Variants in WDR75 observed in about 807,000 individuals in gnomAD.
WDR75 encodes the protein WD repeat-containing protein 75.
Under a neutral mutation model 106.1 loss-of-function variants are expected in WDR75, and 52 were observed. The observed-to-expected ratio is 0.49, with a 90% CI of 0.39 to 0.62. The LOEUF is 0.62. Ranked by LOEUF, WDR75 falls within the 20% of genes least tolerant of loss-of-function variation. The pLI, the probability that WDR75 is intolerant of heterozygous loss-of-function variation, is 0.00. For synonymous variants in WDR75, 333 were observed against 335.5 expected (o/e 0.99, Z 0.08); for missense variants, 905 against 970.3 (o/e 0.93, Z 0.89).
At chr2:189,448,535 T>C (rs778271768) in intron 2 of WDR75, 27 bp downstream of exon 2, 6 of 1,603,536 alleles carry the variant, frequency 3.7e-6, no homozygotes, top group Non-Finnish European at 5.1e-6. Flanking sequence ...AGCTGAATAC[T>C]TTAAGACTGG....
intron 15 of WDR75, among the ~76,000 whole-genome samples, chr2:189,468,781 A>G (rs1687056780): frequency 6.6e-6 from 1 of 152,156 alleles, no homozygotes; most frequent in South Asian, 2.1e-4. Context: ...GTCAGCTTCC[A>G]TTATCCTTAC....
intron 12 of WDR75, among the ~76,000 whole-genome samples, chr2:189,466,178 A>G (rs558213813): frequency 6.6e-6 from 1 of 152,244 alleles, no homozygotes; most frequent in South Asian, 2.1e-4. Flanking sequence ...ATTTTGTACC[A>G]ATGTACTAGT....
chr2:189,443,411 A>G (rs1686428500), intron 1 of WDR75, among the ~76,000 whole-genome samples: 1 of 152,200 alleles, frequency 6.6e-6, no homozygotes, highest in Admixed American at 6.5e-5. Flanking sequence ...GTAGTGGGAA[A>G]TGAGGTTGGA....
rs201195585 is a variant in WDR75, at chr2:189,462,507, C to A, written c.802C>A (p.Arg268Ser). Residue 268 changes from arginine to serine, a missense_variant, in exon 9 of 21, where the codon CGT (arginine) becomes AGT (serine). Coordinates refer to ENST00000314761, the MANE Select transcript of WDR75 (RefSeq NM_032168.3). ...AGGCACCAGTCTGCTGAGTGGCGGT[C>A]GTGAATCTGTACTTGTAGAGTGGCG... is the stretch of plus-strand genomic sequence containing the variant. Reference protein sequence around the residue: ...VTGTSLLSGGRESVLVEWRDA... With the variant: ...VTGTSLLSGGSESVLVEWRDA... 4 of 1,613,784 alleles carry A rather than the reference C, an allele frequency of 2.5e-6. No homozygotes were observed. Among genetic ancestry groups the A allele is most frequent in the Admixed American group, 1.7e-5 (1 of 60,008 alleles).
chr2:189,455,328 C>T lies in WDR75; in HGVS notation c.382C>T (p.Gln128Ter). ...TAGCTTTCTTTGGCTAGATATATTT[C>T]AGCTGGTTTCAGTGAAACTGCCAAA... The part of the protein sequence containing the change: ...IVNKEKPDIF[Q>*]LVSVKLPKSS... The change falls in exon 5 of 21, where the codon CAG (glutamine) becomes TAG (stop). Residue 128 changes from glutamine to a stop codon, truncating the protein, a stop_gained. Transcript: ENST00000314761. LOFTEE classifies it high-confidence loss of function. 6.2e-7 allele frequency: 1 copy of T among 1,613,844 alleles called. No individual in the cohort carries two copies. The highest frequency in any genetic ancestry group is 8.5e-7 in the Non-Finnish European group (1 of 1,179,878).
chr2:189,463,757 T>A lies in WDR75; in HGVS notation c.997+4T>A. 6.2e-7 allele frequency: 1 copy of A among 1,613,836 alleles called. No individual in the cohort carries two copies. Among genetic ancestry groups the A allele is most frequent in the Non-Finnish European group, 8.5e-7 (1 of 1,179,788 alleles). ...GTAATTCAAGGCCTAGTGAAAGGTA[T>A]TGCAGAACTCAGTGGATTTGGAATC... On this transcript the variant is annotated splice_donor_region_variant and intron_variant, in intron 10 of 20. Transcript: ENST00000314761.
intron 8 of WDR75, 52 bp from the exon 9 acceptor site, chr2:189,462,432 C>T: frequency 1.9e-6 from 3 of 1,574,716 alleles, no homozygotes; most frequent in African/African-American, 1.4e-5. Flanking sequence ...ATTTTTCTTT[C>T]TCTTTTTTCC....
chr2:189,444,400 T>C (rs921700578), intron 1 of WDR75, among the ~76,000 whole-genome samples: 1 of 152,174 alleles, frequency 6.6e-6, no homozygotes, highest in Non-Finnish European at 1.5e-5. Flanking sequence ...TGTAAGTTCC[T>C]GGTGTTCCCA....
Position 189,475,551 on chromosome 2 carries a change from A to C in WDR75, c.*134A>C. On this transcript the variant is annotated 3_prime_UTR_variant, in exon 21 of 21. Transcript: ENST00000314761. ...ATTAACAAACTTTGCTTTTTTAAAA[A>C]ACTGATAATATGAACATGTATTTGC... is the stretch of plus-strand genomic sequence containing the variant. 3.5e-6 allele frequency: 2 copies of C among 573,430 alleles called. No homozygotes were observed. Among genetic ancestry groups the C allele is most frequent in the Non-Finnish European group, 3.0e-6 (1 of 335,510 alleles). The allele number at this position is 573,430 out of a possible 1,614,324, so 35.5% of individuals were successfully genotyped here.
rs185753078 is a variant in WDR75, at chr2:189,455,055, A to G, written c.374-265A>G. 6.3e-3 allele frequency among the ~76,000 whole-genome samples: 960 copies of G among 152,212 alleles called. 11 individuals carry two copies. Among genetic ancestry groups the G allele is most frequent in the African/African-American group, 0.022 (897 of 41,530 alleles). On this transcript the variant is annotated intron_variant, in intron 4 of 20. Transcript: ENST00000314761. ...CAGGAGTTCGAGACCAGCCTGGCCA[A>G]CATGGTGGAACCCCATCGCCACTAA...
chr2:189,472,215 A>G (rs1558990278), intron 18 of WDR75, among the ~76,000 whole-genome samples: 1 of 152,206 alleles, frequency 6.6e-6, no homozygotes, highest in Non-Finnish European at 1.5e-5. Flanking sequence ...AATATGGAGT[A>G]GAGAAGGTGG....
At chr2:189,469,723 C>T (rs1222487473) in intron 16 of WDR75, among the ~76,000 whole-genome samples, 2 of 152,124 alleles carry the variant, frequency 1.3e-5, no homozygotes, top group Non-Finnish European at 2.9e-5. Context: ...CCCTGAGAAG[C>T]TTTAATTGGT....
chr2:189,441,667 C>A, intron 1 of WDR75, 89 bp downstream of exon 1: 1 of 1,422,662 alleles, frequency 7.0e-7, no homozygotes, highest in South Asian at 1.2e-5. Context: ...CGCGTTCGGA[C>A]TCGCCCGCCT....
chr2:189,472,057 C>G (rs1186143399), intron 18 of WDR75, among the ~76,000 whole-genome samples: 1 of 152,016 alleles, frequency 6.6e-6, no homozygotes, highest in African/African-American at 2.4e-5. Context: ...TGGATTAATT[C>G]AATAATTTTT....
At chr2:189,452,596 G>A (rs931798146) in intron 4 of WDR75, among the ~76,000 whole-genome samples, 4 of 151,820 alleles carry the variant, frequency 2.6e-5, no homozygotes, top group Non-Finnish European at 5.9e-5. Flanking sequence ...AACCAATAAT[G>A]TGACTAAGTT....
chr2:189,445,508 A>G (rs148245836), intron 1 of WDR75, among the ~76,000 whole-genome samples: 2 of 152,294 alleles, frequency 1.3e-5, no homozygotes, highest in East Asian at 3.9e-4. Flanking sequence ...GCAGTAGTCA[A>G]GAGTTCTGAG....
chr2:189,459,280 T>C (rs115176763), intron 7 of WDR75, 56 bp from the exon 8 acceptor site: 14,968 of 1,314,018 alleles, frequency 0.011, 116 homozygotes, highest in Admixed American at 0.035. Flanking sequence ...TGGCATGCCA[T>C]TGTTTTCCTA....
At chr2:189,455,249 A>AT in intron 4 of WDR75, 71 bp from the exon 5 acceptor site, 14 of 1,540,412 alleles carry the variant, frequency 9.1e-6, no homozygotes, top group Non-Finnish European at 1.2e-5. Flanking sequence ...TCAAAAAAAA[A>AT]AGAATAAATT....
intron 1 of WDR75, among the ~76,000 whole-genome samples, chr2:189,444,560 AT>A (rs769874330): frequency 0.033 from 5,088 of 152,272 alleles, 126 homozygotes; most frequent in Non-Finnish European, 0.053. Context: ...ACTTTCCTAA[AT>A]TGCCCACAAG....
Sources: allele counts gnomAD v4.1 joint callset (sites outside exome capture counted in the v4.1 genomes callset), GRCh38; gene constraint gnomAD v4.1.1; transcripts MANE v1.5; gene names NCBI Gene and HGNC (gene_info 2026-07-23, HGNC 2026-07-21).